The following FSTL4 variants were observed in gnomAD, a reference collection of about 807,000 sequenced individuals.
FSTL4 encodes the protein follistatin like 4.
In FSTL4, 28 loss-of-function variants were observed where a neutral mutation model predicts 78.2. The observed-to-expected ratio is 0.36, with a 90% CI of 0.27 to 0.49. The LOEUF is 0.49. Ranked by LOEUF, FSTL4 falls within the 20% of genes least tolerant of loss-of-function variation. The probability of loss-of-function intolerance (pLI) is 0.98; values close to 1 mark genes in which losing one functional copy is unlikely to be tolerated. For synonymous variants in FSTL4, 422 were observed against 440.5 expected (o/e 0.96, Z 0.53); for missense variants, 922 against 1,084.9 (o/e 0.85, Z 2.11).
chr5:133,216,574 C>T (rs1163416520), intron 13 of FSTL4, among the ~76,000 whole-genome samples: 1 of 152,222 alleles, frequency 6.6e-6, no homozygotes, highest in Non-Finnish European at 1.5e-5. Context: ...TGGTCTCAAA[C>T]TCCTGACCTT....
chr5:133,466,107 T>C (rs1392109111), intron 3 of FSTL4, among the ~76,000 whole-genome samples: 1 of 152,186 alleles, frequency 6.6e-6, no homozygotes, highest in Non-Finnish European at 1.5e-5. Context: ...CTTGAGCAAG[T>C]TTCTCACCAC....
the FSTL4 span, among the ~76,000 whole-genome samples, chr5:133,811,394 G>T: frequency 6.6e-6 from 1 of 152,058 alleles, no homozygotes; most frequent in Non-Finnish European, 1.5e-5. Context: ...TTCCTAGATT[G>T]CTCTCATAAA....
At chr5:133,738,648 C>T in the FSTL4 span, among the ~76,000 whole-genome samples, 3 of 152,118 alleles carry the variant, frequency 2.0e-5, no homozygotes, top group African/African-American at 7.2e-5. Flanking sequence ...TACGGCTGCC[C>T]CTTGCTTGCC....
intron 3 of FSTL4, among the ~76,000 whole-genome samples, chr5:133,480,870 A>C (rs1758013750): frequency 6.6e-6 from 1 of 152,120 alleles, no homozygotes; most frequent in Non-Finnish European, 1.5e-5. Flanking sequence ...ATTTCTCCCT[A>C]AGGCTTCACC....
intron 2 of FSTL4, among the ~76,000 whole-genome samples, chr5:133,576,267 C>T (rs1253133256): frequency 5.3e-5 from 8 of 152,138 alleles, no homozygotes; most frequent in Admixed American, 5.2e-4. Flanking sequence ...GGGGGTGAGG[C>T]TCTGGAAAAG....
chr5:133,641,853 T>C, the FSTL4 span, among the ~76,000 whole-genome samples: 1 of 152,062 alleles, frequency 6.6e-6, no homozygotes, highest in African/African-American at 2.4e-5. Flanking sequence ...TCTTTCTTCT[T>C]CTTCTTACCT....
the FSTL4 span, among the ~76,000 whole-genome samples, chr5:133,796,028 T>A: frequency 6.6e-6 from 1 of 152,244 alleles, no homozygotes; most frequent in Non-Finnish European, 1.5e-5. Flanking sequence ...TCACTAGTCC[T>A]TCTGCTCTTC....
At chr5:133,543,785 T>A (rs1236493792) in intron 3 of FSTL4, among the ~76,000 whole-genome samples, 1 of 152,142 alleles carries the variant, frequency 6.6e-6, no homozygotes, top group Non-Finnish European at 1.5e-5. Context: ...TAATTACTAA[T>A]ATACTTGAAT....
intron 4 of FSTL4, among the ~76,000 whole-genome samples, chr5:133,325,905 T>G (rs184535550): frequency 2.1e-4 from 32 of 152,328 alleles, no homozygotes; most frequent in African/African-American, 7.5e-4. Flanking sequence ...GCCTGGTAAG[T>G]CATGTCATGT....
chr5:133,204,226 T>C (rs1163147403), intron 14 of FSTL4, among the ~76,000 whole-genome samples: 3 of 151,950 alleles, frequency 2.0e-5, no homozygotes, highest in East Asian at 1.9e-4. Flanking sequence ...GGCCAGAGAG[T>C]GCTGGGCAGC....
chr5:133,692,960 A>G, the FSTL4 span, among the ~76,000 whole-genome samples: 7 of 152,210 alleles, frequency 4.6e-5, no homozygotes, highest in Middle Eastern at 3.2e-3. Context: ...TATGCTTCTT[A>G]ATAAGAATAT....
chr5:133,807,089 A>C, the FSTL4 span, among the ~76,000 whole-genome samples: 1 of 152,230 alleles, frequency 6.6e-6, no homozygotes. Context: ...TCCTTACAAC[A>C]ATAGCACAAT....
the FSTL4 span, among the ~76,000 whole-genome samples, chr5:133,782,552 T>C: frequency 9.9e-5 from 15 of 152,282 alleles, no homozygotes; most frequent in African/African-American, 2.9e-4. Context: ...CCAATGAGAG[T>C]GCTTCCCTGT....
At chr5:133,553,939 T>C (rs1463163375) in intron 3 of FSTL4, among the ~76,000 whole-genome samples, 1 of 152,150 alleles carries the variant, frequency 6.6e-6, no homozygotes, top group Non-Finnish European at 1.5e-5. Context: ...CAGAGAGCCC[T>C]GAGAACTAAG....
intron 3 of FSTL4, among the ~76,000 whole-genome samples, chr5:133,428,767 T>C (rs1756879319): frequency 6.6e-6 from 1 of 152,196 alleles, no homozygotes; most frequent in South Asian, 2.1e-4. Flanking sequence ...GCCACTAAAC[T>C]TAACATGACT....
chr5:133,222,778 C>A (rs556233587), intron 11 of FSTL4, among the ~76,000 whole-genome samples: 1 of 152,172 alleles, frequency 6.6e-6, no homozygotes, highest in African/African-American at 2.4e-5. Flanking sequence ...TAAGAGGGCC[C>A]GAAGGAGCTG....
rs534184815 is a variant in FSTL4, at chr5:133,607,549, G to A, written c.-10-3556C>T. 6.1e-4 allele frequency among the ~76,000 whole-genome samples: 93 copies of A among 152,258 alleles called. 1 individual carries two copies. Among genetic ancestry groups the A allele is most frequent in the African/African-American group, 2.1e-3 (87 of 41,560 alleles). On this transcript the variant is annotated intron_variant, in intron 1 of 15. Transcript: ENST00000265342. ...GCCAAGGCCATGTGGCAGACAAGTG[G>A]CAAAACTGAAATTCCAAGTCAGGCA...
intron 1 of FSTL4, among the ~76,000 whole-genome samples, chr5:133,606,697 C>T (rs1436520599): frequency 6.6e-6 from 1 of 152,186 alleles, no homozygotes; most frequent in Non-Finnish European, 1.5e-5. Flanking sequence ...TCTCCTAGCT[C>T]ACATAAACGA....
chr5:133,316,780 C>T (rs945991555), intron 4 of FSTL4, 128 bp from the exon 5 acceptor site: 3 of 668,324 alleles, frequency 4.5e-6, no homozygotes, highest in Middle Eastern at 2.8e-4. Flanking sequence ...GTGCACGGTG[C>T]AACTGTCGTC....
Sources: gnomAD v4.1 joint callset for allele counts (sites outside exome capture counted in the v4.1 genomes callset) on GRCh38, gnomAD v4.1.1 for gene constraint, MANE v1.5 for transcripts, NCBI Gene and HGNC (gene_info 2026-07-23, HGNC 2026-07-21) for gene names.